YJEFN3: variants seen among roughly 807,000 people sequenced by gnomAD.
YJEFN3 encodes the protein yjeF N-terminal domain-containing protein 3.
In YJEFN3, 29 loss-of-function variants were observed where a neutral mutation model predicts 31.5. The observed-to-expected ratio is 0.92, with a 90% confidence interval of 0.69 to 1.26. The LOEUF (loss-of-function observed/expected upper bound fraction) is 1.26. Ranked by LOEUF, YJEFN3 falls within the 50% of genes most tolerant of loss-of-function variation. The pLI, the probability that YJEFN3 is intolerant of heterozygous loss-of-function variation, is 0.00. For synonymous variants in YJEFN3, 227 were observed against 196.1 expected (o/e 1.16, Z -1.32); for missense variants, 442 against 425.4 (o/e 1.04, Z -0.34).
chr19:19,532,716 T>C lies in YJEFN3; in HGVS notation c.294T>C (p.His98=). 2 of 1,573,746 alleles carry C rather than the reference T, an allele frequency of 1.3e-6. No individual in the cohort carries two copies. Among genetic ancestry groups the C allele is most frequent in the Non-Finnish European group, 1.7e-6 (2 of 1,165,534 alleles). ...AGCAGCTCGTGGAGCTGTGCGGTCA[T>C]GCTAGTGCCGTGGCTGTGACCAAGG... is the stretch of plus-strand genomic sequence containing the variant. ...GRQQLVELCG[H]ASAVAVTKAF... Residue 98 remains histidine, a synonymous_variant, in exon 3 of 7, where the codon CAT becomes CAC. Coordinates refer to ENST00000514277, the MANE Select transcript of YJEFN3 (RefSeq NM_198537.4).
intron 3 of YJEFN3, chr19:19,533,616 C>T (rs2061179818): frequency 3.1e-6 from 3 of 962,086 alleles, no homozygotes; most frequent in Non-Finnish European, 3.7e-6. Flanking sequence ...CCATCCTCCT[C>T]CTCCCCATTC....
intron 3 of YJEFN3, chr19:19,533,034 T>C: frequency 1.7e-6 from 2 of 1,191,918 alleles, no homozygotes; most frequent in Non-Finnish European, 2.1e-6. Context: ...TTCTGCCACC[T>C]CCTGGGTCTT....
In YJEFN3 at chr19:19,537,394, AGCGCTGCGCTGGCCGCTTCTCCGG is replaced by A. The variant is rs2061221168; in HGVS notation, c.775_798del (p.Cys259_Arg266del). 6.3e-7 allele frequency: 1 copy of A among 1,592,180 alleles called. No homozygotes were observed. Among genetic ancestry groups the A allele is most frequent in the Non-Finnish European group, 8.5e-7 (1 of 1,175,658 alleles). ...GTGCTGGTGTCTCTCGCGGCGCCCA[AGCGCTGCGCTGGCCGCTTCTCCGG>A]GCGCCACCACTTCGTGGCCGGCAGG... On this transcript the variant is annotated inframe_deletion, in exon 7 of 7. Transcript: ENST00000514277.
intron 3 of YJEFN3, chr19:19,533,655 T>G: frequency 1.0e-6 from 1 of 985,238 alleles, no homozygotes; most frequent in East Asian, 1.1e-4. Context: ...CTCCTCTTTT[T>G]CTTCTTATTA....
chr19:19,528,918 G>A lies in YJEFN3; in HGVS notation c.-15G>A, dbSNP rs753681047. On this transcript the variant is annotated 5_prime_UTR_variant, in exon 1 of 7. Transcript: ENST00000514277. ...GCGGTGGCGGCAGCGCCCGGCGCCC[G>A]GGCTCACCTCGGCCATGAGCAGCGC... is the stretch of plus-strand genomic sequence containing the variant. The A allele has an allele frequency of 2.6e-6, 4 of 1,547,248 alleles. No homozygotes were observed. The highest frequency in any genetic ancestry group is 2.0e-5 in the Admixed American group (1 of 50,854).
rs1235483265 is a variant in YJEFN3 at position 19,529,542 on chromosome 19, G to A, written c.209+29G>A. On this transcript the variant is annotated intron_variant, in intron 2 of 6. Transcript: ENST00000514277. ...GGTGAGTTTGGGATCTAGAACTGGC[G>A]CCGTGGCTGTGACTCTCACCTCATC... The A allele has an allele frequency of 4.4e-6, 7 of 1,605,244 alleles. 1 individual carries two copies. In the Middle Eastern group the frequency reaches 5.0e-4, roughly 114 times the overall value.
At chr19:19,532,342 G>A (rs984633455) in intron 2 of YJEFN3, among the ~76,000 whole-genome samples, 2 of 152,232 alleles carry the variant, frequency 1.3e-5, no homozygotes, top group African/African-American at 2.4e-5. Flanking sequence ...CGTGTCCCAC[G>A]CTTTGGAGCA....
chr19:19,535,874 G>T, intron 6 of YJEFN3, 195 bp downstream of exon 6: 1 of 750,854 alleles, frequency 1.3e-6, no homozygotes, highest in South Asian at 1.6e-5. Flanking sequence ...GGTGACCCCA[G>T]GTCTCCTCTT....
In YJEFN3 at chr19:19,535,466, C is replaced by T. The variant is rs780055076; in HGVS notation, c.543+16C>T. 1.2e-6 allele frequency: 2 copies of T among 1,613,652 alleles called. No homozygotes were observed. Among genetic ancestry groups the T allele is most frequent in the Middle Eastern group, 1.7e-4 (1 of 6,054 alleles). On this transcript the variant is annotated intron_variant, in intron 5 of 6. Coordinates refer to ENST00000514277, the MANE Select transcript of YJEFN3 (RefSeq NM_198537.4). ...GCCCACTGAGGTCAGCGCTGGGTGGCAAGCAAGGGGGACATGGTGTGCAGT... is the reference window on the plus strand; with the variant it reads ...GCCCACTGAGGTCAGCGCTGGGTGGTAAGCAAGGGGGACATGGTGTGCAGT...
At chr19:19,531,758 G>T (rs1187032344) in intron 2 of YJEFN3, among the ~76,000 whole-genome samples, 1 of 107,954 alleles carries the variant, frequency 9.3e-6, no homozygotes, top group Non-Finnish European at 1.7e-5. Flanking sequence ...TGGAGACGGA[G>T]CCTCACTCTG....
intron 6 of YJEFN3, 101 bp from the exon 7 acceptor site, chr19:19,537,218 G>C (rs908090610): frequency 1.4e-5 from 16 of 1,114,104 alleles, no homozygotes; most frequent in African/African-American, 3.1e-5. Context: ...CAGAGGCTCA[G>C]TGTTGGAGGG....
In YJEFN3 at chr19:19,532,651, C is replaced by G; in HGVS notation, c.229C>G (p.Leu77Val). The G allele has an allele frequency of 6.4e-7, 1 of 1,561,818 alleles. No individual in the cohort carries two copies. Among genetic ancestry groups the G allele is most frequent in the Non-Finnish European group, 8.6e-7 (1 of 1,159,944 alleles). The change falls in exon 3 of 7, where the codon CTG becomes GTG. Residue 77 changes from leucine to valine, a missense_variant. Leu to Val is a conservative substitution (Grantham distance 32, BLOSUM62 1). Transcript: ENST00000514277. ...CCCCAGCACCGCGGAGGCAGCCGCCCTGGAGCGGGAGCTGCTGGAGGATTA... is the reference window on the plus strand; with the variant it reads ...CCCCAGCACCGCGGAGGCAGCCGCCGTGGAGCGGGAGCTGCTGGAGGATTA... Reference protein sequence around the residue: ...VCQSTAEAAALERELLEDYRF... With the variant: ...VCQSTAEAAAVERELLEDYRF...
Position 19,537,496 on chromosome 19 carries a change from CGGGCACCGACTGCGTCGCGGCACTGTGA to C in YJEFN3, c.873_900del (p.Gly292ArgfsTer13). Reference sequence around the variant, plus strand: ...TTCGCTCTGCGCCTGCCGGGATACACGGGCACCGACTGCGTCGCGGCACTGTGACCGCCACCCGCGGCCACACCGCAGG... The same window carrying C: ...TTCGCTCTGCGCCTGCCGGGATACACCCGCCACCCGCGGCCACACCGCAGG... On this transcript the variant is annotated frameshift_variant and stop_lost, in exon 7 of 7. Transcript: ENST00000514277. LOFTEE classifies it high-confidence loss of function. 6.4e-7 allele frequency: 1 copy of C among 1,569,820 alleles called. No individual in the cohort carries two copies. Among genetic ancestry groups the C allele is most frequent in the Non-Finnish European group, 8.6e-7 (1 of 1,159,990 alleles).
In YJEFN3 at chr19:19,534,827, G is replaced by A. The variant is rs1390556914; in HGVS notation, c.319-207G>A. 4.8e-6 allele frequency: 2 copies of A among 417,986 alleles called. No individual in the cohort carries two copies. Among genetic ancestry groups the A allele is most frequent in the Non-Finnish European group, 8.4e-6 (2 of 237,530 alleles). The allele number at this position is 417,986 out of a possible 1,614,324, so 25.9% of individuals were successfully genotyped here. ...GTTTTTCCTGCACCGACCTGGCAGA[G>A]CCTGAGACCGGGCCTCTGCATCTCC... On this transcript the variant is annotated intron_variant, in intron 3 of 6. Coordinates refer to ENST00000514277, the MANE Select transcript of YJEFN3 (RefSeq NM_198537.4). This position sits in a 1 kb window ranked among gnomAD's most constrained non-coding sequence, Gnocchi z 4.6.
At chr19:19,533,854 C>A (rs2061181765) in intron 3 of YJEFN3, 1 of 985,458 alleles carries the variant, frequency 1.0e-6, no homozygotes, top group African/African-American at 1.7e-5. Flanking sequence ...ACTGAAAGCC[C>A]CTTGTCTGTC....
chr19:19,535,307 G>T (rs1459030610), intron 4 of YJEFN3, 30 bp from the exon 5 acceptor site: 2 of 1,599,512 alleles, frequency 1.3e-6, no homozygotes, highest in South Asian at 2.2e-5. Context: ...CAGGTCAGGG[G>T]AGTCTGACCC....
chr19:19,536,283 TAA>T (rs1491168469), intron 6 of YJEFN3, among the ~76,000 whole-genome samples: 2 of 152,070 alleles, frequency 1.3e-5, no homozygotes, highest in African/African-American at 2.4e-5. Flanking sequence ...AGAGAAGGAT[TAA>T]AGTCTGAGGG....
At chr19:19,529,164 A>C (rs2061128627) in intron 1 of YJEFN3, 173 bp downstream of exon 1, 1 of 1,455,924 alleles carries the variant, frequency 6.9e-7, no homozygotes, top group East Asian at 2.5e-5. Flanking sequence ...GGGGAACCGG[A>C]GGCAGGGATA....
Position 19,534,936 on chromosome 19 carries a change from A to G in YJEFN3, c.319-98A>G, listed in dbSNP as rs557532595. ...GTCCTATCCTGTTGCCTCCAGGCCC[A>G]AGCCCCATCCCTTCCCCTACTCCGG... On this transcript the variant is annotated intron_variant, in intron 3 of 6. Coordinates refer to ENST00000514277, the MANE Select transcript of YJEFN3 (RefSeq NM_198537.4). The surrounding 1 kb of genome is among the most constrained non-coding windows in gnomAD (Gnocchi z 4.6). 29 of 1,100,040 alleles carry G rather than the reference A, an allele frequency of 2.6e-5. No individual in the cohort carries two copies. The highest frequency in any genetic ancestry group is 3.3e-5 in the Non-Finnish European group (26 of 784,116). 68.1% of individuals were successfully genotyped at this position (1,100,040 alleles called of 1,614,324 possible). A position where few individuals can be genotyped will look rare whatever the true frequency, so the allele number is the denominator to read the frequency against.
Sources: allele counts gnomAD v4.1 joint callset (sites outside exome capture counted in the v4.1 genomes callset), GRCh38; gene constraint gnomAD v4.1.1; non-coding constraint Gnocchi (gnomAD v3.1); transcripts MANE v1.5; gene names NCBI Gene and HGNC (gene_info 2026-07-23, HGNC 2026-07-21).